The following EMB variants were observed in gnomAD, a reference collection of about 807,000 sequenced individuals.
EMB encodes embigin.
Under a neutral mutation model 41.4 loss-of-function variants are expected in EMB, and 31 were observed. The ratio of observed to expected loss-of-function variants is 0.75; its 90% CI spans 0.56 to 1.01. The LOEUF is 1.01. EMB is among the 50% of genes least tolerant of loss of function. EMB has a pLI of 0.00. For synonymous variants in EMB, 137 were observed against 140.4 expected (o/e 0.98, Z 0.17); for missense variants, 379 against 388.3 (o/e 0.98, Z 0.20).
chr5:50,405,753 G>A lies in EMB; in HGVS notation c.572C>T (p.Thr191Ile). Residue 191 changes from threonine to isoleucine, a missense_variant, in exon 5 of 9, where the codon ACC becomes ATC. By Grantham distance (89) the Thr-to-Ile change is moderately conservative. Transcript: ENST00000303221. Reference protein sequence around the residue: ...KCQNCFPLNWTWYSSNGSVKV... With the variant: ...KCQNCFPLNWIWYSSNGSVKV... ...TACACTCCCATTACTACTGTACCAG[G>A]TCCAATTTAAAGGAAAACAATTTTG... 6.2e-7 allele frequency: 1 copy of A among 1,605,712 alleles called. No individual in the cohort carries two copies. The highest frequency in any genetic ancestry group is 8.5e-7 in the Non-Finnish European group (1 of 1,176,014).
intron 2 of EMB, among the ~76,000 whole-genome samples, chr5:50,413,133 T>A (rs569700660): frequency 1.9e-3 from 296 of 152,002 alleles, no homozygotes; most frequent in Non-Finnish European, 3.5e-3. Flanking sequence ...CAGTGGCAAA[T>A]AAAGAAAAAA....
rs551582838 is a variant in EMB at position 50,424,589 on chromosome 5, A to C, written c.196+3555T>G. ...ATGTTAATCACAAGATTATTAAATC[A>C]TGTGTATTCCCAAGATAAGGGGATG... On this transcript the variant is annotated intron_variant, in intron 2 of 8. Transcript: ENST00000303221. Among the ~76,000 whole-genome samples, 3 of 152,322 alleles carry C rather than the reference A, an allele frequency of 2.0e-5. No homozygotes were observed. The South Asian group carries it at 6.2e-4, about 32-fold the overall frequency.
chr5:50,435,028 T>C (rs1417671351), intron 1 of EMB, among the ~76,000 whole-genome samples: 2 of 152,232 alleles, frequency 1.3e-5, no homozygotes, highest in African/African-American at 4.8e-5. Flanking sequence ...GGAGGGCATA[T>C]ACACCTTTGG....
intron 4 of EMB, among the ~76,000 whole-genome samples, chr5:50,406,550 G>C (rs1202152750): frequency 6.6e-6 from 1 of 151,646 alleles, no homozygotes; most frequent in African/African-American, 2.4e-5. Flanking sequence ...GTAATAACTT[G>C]GTAAAGAATA....
intron 1 of EMB, chr5:50,428,867 CTTTAT>C (rs1038537445): frequency 9.0e-5 from 26 of 288,190 alleles, no homozygotes; most frequent in Admixed American, 1.3e-4. Flanking sequence ...TTCGAAGTTA[CTTTAT>C]TTATTTTATT....
intron 1 of EMB, among the ~76,000 whole-genome samples, chr5:50,428,952 G>C (rs1022147264): frequency 6.6e-6 from 1 of 151,896 alleles, no homozygotes; most frequent in Non-Finnish European, 1.5e-5. Flanking sequence ...CTGGAGTGCA[G>C]GGGCATGGTC....
intron 2 of EMB, among the ~76,000 whole-genome samples, chr5:50,419,536 T>TACACACAC (rs371940991): frequency 0.15 from 21,731 of 142,370 alleles, 1,823 homozygotes; most frequent in East Asian, 0.27. Context: ...CCCCACTACA[T>TACACACAC]ACACACACAC....
At chr5:50,408,059 C>A (rs529821546) in intron 4 of EMB, among the ~76,000 whole-genome samples, 1 of 152,110 alleles carries the variant, frequency 6.6e-6, no homozygotes, top group African/African-American at 2.4e-5. Flanking sequence ...GGATCCAGGG[C>A]TGAAGTCCTA....
chr5:50,417,760 G>C (rs1343125966), intron 2 of EMB, among the ~76,000 whole-genome samples: 1 of 152,104 alleles, frequency 6.6e-6, no homozygotes, highest in African/African-American at 2.4e-5. Context: ...CAAACTTTTA[G>C]AATTTTTTTT....
chr5:50,440,283 C>T (rs956421408), intron 1 of EMB, among the ~76,000 whole-genome samples: 1 of 152,112 alleles, frequency 6.6e-6, no homozygotes, highest in African/African-American at 2.4e-5. Context: ...CCTGTAATCC[C>T]AGCACTTTGG....
intron 2 of EMB, among the ~76,000 whole-genome samples, chr5:50,413,062 G>A (rs1164193995): frequency 1.3e-5 from 2 of 151,678 alleles, no homozygotes; most frequent in East Asian, 1.9e-4. Flanking sequence ...ACATACACAC[G>A]CGCCCACGCG....
intron 4 of EMB, among the ~76,000 whole-genome samples, chr5:50,408,471 A>G (rs1435317059): frequency 1.3e-5 from 2 of 152,010 alleles, no homozygotes; most frequent in Non-Finnish European, 2.9e-5. Flanking sequence ...GCATTGAACT[A>G]ATCAGTAATC....
In EMB at chr5:50,403,342, C is replaced by G; in HGVS notation, c.713G>C (p.Arg238Pro). The G allele has an allele frequency of 2.5e-6, 4 of 1,612,696 alleles. No individual in the cohort carries two copies. The highest frequency in any genetic ancestry group is 1.1e-5 in the South Asian group (1 of 91,054). ...LEEDGESYWC[R>P]ALFQLGESEE... ...ACTCTCGCCTAATTGGAATAGTGCACGGCACCAGTAAGATTCCCCATCTTC... is the reference window on the plus strand; with the variant it reads ...ACTCTCGCCTAATTGGAATAGTGCAGGGCACCAGTAAGATTCCCCATCTTC... Residue 238 changes from arginine (R) to proline (P), a missense_variant, in exon 6 of 9, where the codon CGT (arginine) becomes CCT (proline). Coordinates refer to ENST00000303221, the MANE Select transcript of EMB (RefSeq NM_198449.3).
At chr5:50,406,813 G>A (rs1745256952) in intron 4 of EMB, among the ~76,000 whole-genome samples, 1 of 151,876 alleles carries the variant, frequency 6.6e-6, no homozygotes, top group Non-Finnish European at 1.5e-5. Flanking sequence ...TATATGTTTA[G>A]TTTGCCAGTA....
Position 50,396,484 on chromosome 5 carries a change from C to T in EMB, c.*2789G>A, listed in dbSNP as rs138387505. 35 of 152,160 alleles carry T rather than the reference C, an allele frequency of 2.3e-4. 1 individual carries two copies. The highest frequency in any genetic ancestry group is 8.2e-4 in the African/African-American group (34 of 41,522). The allele number at this position is 152,160 out of a possible 1,614,324, so 9.4% of individuals were successfully genotyped here. On this transcript the variant is annotated 3_prime_UTR_variant, in exon 9 of 9. Transcript: ENST00000303221. The stretch of plus-strand genomic sequence containing the variant: ...ATTTAAGCATGTAAGATGGTACATG[C>T]TCTACCAGGTATGGGGGCTTCTCTA...
intron 1 of EMB, among the ~76,000 whole-genome samples, chr5:50,440,515 A>T (rs2111882920): frequency 7.1e-6 from 1 of 141,412 alleles, no homozygotes; most frequent in Non-Finnish European, 1.5e-5. Context: ...CCTGGGCAAC[A>T]AGAGTAAAAC....
Position 50,435,841 on chromosome 5 carries a change from A to G in EMB, c.112+5199T>C, listed in dbSNP as rs1157320742. ...ATTATTAAATGGGTTACAATCCACT[A>G]ATATTATTATTTATTTTGATGCTCA... On this transcript the variant is annotated intron_variant, in intron 1 of 8. Coordinates refer to ENST00000303221, the MANE Select transcript of EMB (RefSeq NM_198449.3). Among the ~76,000 whole-genome samples, 3 of 152,276 alleles carry G rather than the reference A, an allele frequency of 2.0e-5. No individual in the cohort carries two copies. In the East Asian group the frequency reaches 5.8e-4, roughly 29 times the overall value.
At chr5:50,441,918 G>A (rs1745921741), upstream of EMB, among the ~76,000 whole-genome samples, 1 of 152,112 alleles carries the variant, frequency 6.6e-6, no homozygotes, top group African/African-American at 2.4e-5. Flanking sequence ...AACTGCACAA[G>A]ACATTGACCT....
chr5:50,407,484 G>A (rs1050012470), intron 4 of EMB, among the ~76,000 whole-genome samples: 2 of 151,972 alleles, frequency 1.3e-5, no homozygotes, highest in African/African-American at 4.8e-5. Flanking sequence ...GTGACAACAT[G>A]GAAAAGCTGA....
Sources: allele counts gnomAD v4.1 joint callset (sites outside exome capture counted in the v4.1 genomes callset), GRCh38; gene constraint gnomAD v4.1.1; transcripts MANE v1.5; gene names NCBI Gene and HGNC (gene_info 2026-07-23, HGNC 2026-07-21).